FHOD3: variants seen among roughly 807,000 people sequenced by gnomAD.
FHOD3 encodes the protein formin homology 2 domain containing 3.
FHOD3 carries 90 observed loss-of-function variants against 173.0 expected under a neutral mutation model. The observed-to-expected ratio is 0.52, with a 90% CI of 0.44 to 0.62. The LOEUF (loss-of-function observed/expected upper bound fraction) is 0.62, where lower values mean the gene tolerates loss of function less well. Among genes scored for constraint, FHOD3 ranks in the 20% least tolerant of loss-of-function variants. The pLI is 0.00. For synonymous variants in FHOD3, 828 were observed against 823.0 expected (o/e 1.01, Z -0.10); for missense variants, 1,945 against 2,034.7 (o/e 0.96, Z 0.85).
intron 5 of FHOD3, 113 bp downstream of exon 5, chr18:36,512,656 G>T: frequency 1.3e-6 from 1 of 754,074 alleles, no homozygotes; most frequent in Non-Finnish European, 2.3e-6. Context: ...TGAGAGTAAG[G>T]TGGTAAAGAC....
At chr18:36,346,504 A>G (rs2145589696) in intron 1 of FHOD3, among the ~76,000 whole-genome samples, 1 of 152,352 alleles carries the variant, frequency 6.6e-6, no homozygotes. Context: ...AATTTGCTCA[A>G]GCAAGAAACT....
At chr18:36,378,099 C>T (rs1421776097) in intron 3 of FHOD3, among the ~76,000 whole-genome samples, 1 of 152,128 alleles carries the variant, frequency 6.6e-6, no homozygotes, top group African/African-American at 2.4e-5. Flanking sequence ...ATGCCAGGAT[C>T]CTCTGATTCT....
chr18:36,688,402 C>G (rs1365608673), intron 16 of FHOD3, among the ~76,000 whole-genome samples: 4 of 152,210 alleles, frequency 2.6e-5, no homozygotes, highest in African/African-American at 7.2e-5. Flanking sequence ...GACTGCCTGT[C>G]TTCAATTTAA....
intron 10 of FHOD3, among the ~76,000 whole-genome samples, chr18:36,629,162 C>A (rs995419483): frequency 1.7e-4 from 26 of 152,282 alleles, no homozygotes; most frequent in African/African-American, 6.3e-4. Flanking sequence ...CGTGCCTCAG[C>A]AGCAGGGTCT....
At chr18:36,464,949 G>T (rs1009664934) in intron 3 of FHOD3, among the ~76,000 whole-genome samples, 15 of 151,832 alleles carry the variant, frequency 9.9e-5, no homozygotes, top group African/African-American at 3.2e-4. Flanking sequence ...ACACACACAC[G>T]CAGGCAAACT....
intron 3 of FHOD3, among the ~76,000 whole-genome samples, chr18:36,444,026 T>C (rs1428414541): frequency 6.6e-6 from 1 of 152,066 alleles, no homozygotes; most frequent in Non-Finnish European, 1.5e-5. Context: ...ACCCCGTCTC[T>C]ACTAAAAATA....
At chr18:36,743,095 G>A (rs1289390074) in intron 22 of FHOD3, among the ~76,000 whole-genome samples, 1 of 42,748 alleles carries the variant, frequency 2.3e-5, no homozygotes, top group African/African-American at 1.0e-4. Context: ...TGGATCACGA[G>A]GTCAGGAGAT....
chr18:36,534,253 A>G (rs1756454336), intron 5 of FHOD3, among the ~76,000 whole-genome samples: 1 of 152,164 alleles, frequency 6.6e-6, no homozygotes, highest in Admixed American at 6.5e-5. Flanking sequence ...CAGCTAAGTC[A>G]GGGGTGTGGT....
intron 3 of FHOD3, among the ~76,000 whole-genome samples, chr18:36,490,814 CAGG>C (rs1257431946): frequency 3.3e-5 from 5 of 152,212 alleles, no homozygotes; most frequent in Non-Finnish European, 5.9e-5. Context: ...GAAGGAAAGA[CAGG>C]AGGAGTTAGG....
rs1334796713 is a variant in FHOD3, at chr18:36,310,765, G to A, written c.165+12765G>A. On this transcript the variant is annotated intron_variant, in intron 1 of 28. Transcript: ENST00000590592. ...CCACGTGGACTGCATGGCCTGGAAA[G>A]CCTCGTGGAGAAGGAGGGTGGGGTT... Among the ~76,000 whole-genome samples, 4 of 152,092 alleles carry A rather than the reference G, an allele frequency of 2.6e-5. No individual in the cohort carries two copies. The East Asian group carries it at 5.8e-4, about 22-fold the overall frequency.
At chr18:36,618,311 G>T (rs185134606) in intron 9 of FHOD3, among the ~76,000 whole-genome samples, 16,260 of 72,870 alleles carry the variant, frequency 0.22, 1,523 homozygotes, top group African/African-American at 0.29. Context: ...TTTTTTGGTG[G>T]TTTTTTTTTT....
At chr18:36,776,338 A>G (rs1379967385) in intron 28 of FHOD3, among the ~76,000 whole-genome samples, 1 of 152,050 alleles carries the variant, frequency 6.6e-6, no homozygotes, top group African/African-American at 2.4e-5. Flanking sequence ...CAGGGTGTAC[A>G]TGTACATGAT....
chr18:36,324,514 T>C (rs2044566392), intron 1 of FHOD3, among the ~76,000 whole-genome samples: 1 of 152,194 alleles, frequency 6.6e-6, no homozygotes, highest in African/African-American at 2.4e-5. Flanking sequence ...AGGACTCATA[T>C]TCAAAATATA....
At chr18:36,677,382 C>T (rs2037933023) in intron 14 of FHOD3, among the ~76,000 whole-genome samples, 2 of 152,112 alleles carry the variant, frequency 1.3e-5, no homozygotes, top group South Asian at 4.1e-4. Flanking sequence ...AAACTCCTGA[C>T]CGCAGGTGAT....
intron 6 of FHOD3, among the ~76,000 whole-genome samples, chr18:36,587,252 G>A (rs1466903367): frequency 2.0e-5 from 3 of 152,156 alleles, no homozygotes; most frequent in African/African-American, 7.2e-5. Context: ...CAGGGTGCTG[G>A]TGGAAGTGTC....
intron 1 of FHOD3, among the ~76,000 whole-genome samples, chr18:36,312,374 C>T (rs371819943): frequency 7.2e-5 from 11 of 152,282 alleles, no homozygotes; most frequent in Middle Eastern, 3.4e-3. Flanking sequence ...GGCTTTCTGA[C>T]GACCCCCTAG....
chr18:36,652,735 C>A lies in FHOD3; in HGVS notation c.1452C>A (p.Thr484=). 2 of 1,535,858 alleles carry A rather than the reference C, an allele frequency of 1.3e-6. No homozygotes were observed. Among genetic ancestry groups the A allele is most frequent in the Non-Finnish European group, 1.7e-6 (2 of 1,146,718 alleles). The change falls in exon 12 of 29, where the codon ACC becomes ACA. Residue 484 remains threonine, a synonymous_variant. Transcript: ENST00000590592. ...WHSGSSGSEA[T]PSALLSPPAS... is the part of the protein sequence containing the mutation. ...GTGGGTCCTCTGGGTCTGAGGCCAC[C>A]CCATCTGCCCTCCTGTCACCCCCTG...
At chr18:36,300,915 A>AT (rs949927673) in intron 1 of FHOD3, among the ~76,000 whole-genome samples, 8 of 151,652 alleles carry the variant, frequency 5.3e-5, no homozygotes, top group African/African-American at 1.9e-4. Flanking sequence ...TAATTTTTTT[A>AT]TTTTTTGTAG....
At chr18:36,571,181 T>C (rs978881186) in intron 5 of FHOD3, among the ~76,000 whole-genome samples, 1 of 152,132 alleles carries the variant, frequency 6.6e-6, no homozygotes, top group South Asian at 2.1e-4. Flanking sequence ...AGTTATAGGA[T>C]ATAAGGCCAA....
Sources: allele counts gnomAD v4.1 joint callset (sites outside exome capture counted in the v4.1 genomes callset), GRCh38; gene constraint gnomAD v4.1.1; transcripts MANE v1.5; gene names NCBI Gene and HGNC (gene_info 2026-07-23, HGNC 2026-07-21).